The following TMEM63A variants were observed in gnomAD, a reference collection of about 807,000 sequenced individuals.
TMEM63A encodes the protein mechanosensitive cation channel TMEM63A.
Under a neutral mutation model 100.6 loss-of-function variants are expected in TMEM63A, and 76 were observed. The observed-to-expected ratio is 0.76, with a 90% CI of 0.63 to 0.91. The LOEUF (loss-of-function observed/expected upper bound fraction) is 0.91, where lower values mean the gene tolerates loss of function less well. TMEM63A is among the 40% of genes least tolerant of loss of function. TMEM63A has a pLI of 0.00. For synonymous variants in TMEM63A, 401 were observed against 401.1 expected (o/e 1.00, Z 0.00); for missense variants, 876 against 1,008.8 (o/e 0.87, Z 1.78).
Position 225,852,761 on chromosome 1 carries a change from G to T in TMEM63A, c.1806C>A (p.Ala602=). ...ADRRNVKQNQ[A]FQYEFGAMYA... is the part of the protein sequence containing the mutation. ...ACATGGCTCCAAACTCGTACTGGAA[G>T]GCCTGGTTCTGGGAGGAGGAGGTGG... Residue 602 remains alanine (A), a synonymous_variant, in exon 20 of 25, where the codon GCC becomes GCA. Transcript: ENST00000366835. 3 of 1,614,054 alleles carry T rather than the reference G, an allele frequency of 1.9e-6. No individual in the cohort carries two copies. The highest frequency in any genetic ancestry group is 1.3e-5 in the African/African-American group (1 of 75,048).
chr1:225,847,586 T>G, intron 23 of TMEM63A: 1 of 171,754 alleles, frequency 5.8e-6, no homozygotes, highest in Non-Finnish European at 1.2e-5. Context: ...ATGCTCAACA[T>G]ATCTGTGTGA....
At chr1:225,868,967 G>A (rs1018633647) in intron 6 of TMEM63A, among the ~76,000 whole-genome samples, 8 of 152,180 alleles carry the variant, frequency 5.3e-5, no homozygotes, top group African/African-American at 1.9e-4. Context: ...GAGGGAGAAG[G>A]GGCAGGGCAC....
Position 225,867,303 on chromosome 1 carries a change from T to G in TMEM63A, c.515-140A>C, listed in dbSNP as rs1670262960. 4.5e-6 allele frequency: 4 copies of G among 886,468 alleles called. No individual in the cohort carries two copies. In the Admixed American group the frequency reaches 7.0e-5, roughly 15 times the overall value. 54.9% of individuals were successfully genotyped at this position (886,468 alleles called of 1,614,324 possible). A position where few individuals can be genotyped will look rare whatever the true frequency, so the allele number is the denominator to read the frequency against. On this transcript the variant is annotated intron_variant, in intron 7 of 24. Coordinates refer to ENST00000366835, the MANE Select transcript of TMEM63A (RefSeq NM_014698.3). The surrounding 1 kb of genome is among the most constrained non-coding windows in gnomAD (Gnocchi z 4.6). ...AGGAAGACAACGTCTGACTGGTCTT[T>G]CCAGAGCTACACCATCAAGGCCTCT...
chr1:225,848,850 C>G, intron 22 of TMEM63A, 47 bp downstream of exon 22: 2 of 1,449,376 alleles, frequency 1.4e-6, no homozygotes, highest in Non-Finnish European at 1.9e-6. Flanking sequence ...GTCCCACCAT[C>G]TGTTCCTCCC....
chr1:225,843,055 T>C (rs991525431), downstream of TMEM63A, among the ~76,000 whole-genome samples: 1 of 152,072 alleles, frequency 6.6e-6, no homozygotes, highest in African/African-American at 2.4e-5. Context: ...GGAAAGACAG[T>C]AAAATGAGAC....
At chr1:225,845,292 C>G (rs771188836), downstream of TMEM63A, 5 of 1,612,686 alleles carry the variant, frequency 3.1e-6, no homozygotes, top group Non-Finnish European at 3.4e-6. Context: ...TTTGAGGAGC[C>G]GGAGCTGCTC....
intron 18 of TMEM63A, among the ~76,000 whole-genome samples, chr1:225,854,726 C>T (rs954366489): frequency 6.6e-6 from 1 of 152,030 alleles, no homozygotes; most frequent in African/African-American, 2.4e-5. Flanking sequence ...GGATGTTGTC[C>T]GCATAAGTTA....
chr1:225,869,670 T>TCTTTTC (rs1553492502), intron 6 of TMEM63A, among the ~76,000 whole-genome samples: 7 of 136,388 alleles, frequency 5.1e-5, no homozygotes, highest in African/African-American at 1.9e-4. Flanking sequence ...TCTTTTCTTT[T>TCTTTTC]TTTTTTTTTT....
chr1:225,878,883 C>CACACACACA (rs1252743461), intron 2 of TMEM63A, among the ~76,000 whole-genome samples: 3 of 84,402 alleles, frequency 3.6e-5, no homozygotes, highest in African/African-American at 7.7e-5. Flanking sequence ...TACCTACCTA[C>CACACACACA]CTACACACAC....
chr1:225,869,788 G>C (rs752108427), intron 6 of TMEM63A, among the ~76,000 whole-genome samples: 1 of 148,846 alleles, frequency 6.7e-6, no homozygotes, highest in African/African-American at 2.5e-5. Context: ...TCAGCCTCCC[G>C]AGTAGCTGGG....
chr1:225,858,902 T>C (rs918989981), intron 15 of TMEM63A, among the ~76,000 whole-genome samples: 1 of 151,942 alleles, frequency 6.6e-6, no homozygotes, highest in African/African-American at 2.4e-5. Flanking sequence ...ATTTAGATAG[T>C]CTATTAAAAT....
chr1:225,873,281 A>G (rs774640858), intron 4 of TMEM63A, among the ~76,000 whole-genome samples: 8 of 152,184 alleles, frequency 5.3e-5, no homozygotes, highest in Non-Finnish European at 7.3e-5. Flanking sequence ...TAAAGGCATC[A>G]GATGTCCCAA....
In TMEM63A at chr1:225,848,493, G is replaced by C; in HGVS notation, c.2249C>G (p.Thr750Arg). The C allele has an allele frequency of 6.2e-7, 1 of 1,614,146 alleles. No homozygotes were observed. The highest frequency in any genetic ancestry group is 8.5e-7 in the Non-Finnish European group (1 of 1,180,034). The change falls in exon 23 of 25, where the codon ACA becomes AGA. Residue 750 changes from threonine (T) to arginine (R), a missense_variant and splice_region_variant. Thr to Arg is a moderately conservative substitution (Grantham distance 71). Transcript: ENST00000366835. ...CAGAGGCTGAGGGGCACAGCTTACT[G>C]TGAACGGTGGGGGCATGTGGGCCTC... ...EAEAHMPPPF[T>R]PYVPRILNGL...
chr1:225,844,524 C>A (rs1347464855), downstream of TMEM63A: 2 of 1,614,166 alleles, frequency 1.2e-6, no homozygotes, highest in South Asian at 2.2e-5. Context: ...GACCTGCTGA[C>A]CAACGTCATG....
In TMEM63A at chr1:225,856,961, C is replaced by A; in HGVS notation, c.1434G>T (p.Leu478=). ...PTLLLWSFSA[L]LPSIVYYSTL... ...TAGAGTAGTAGACAATGGAGGGGAGCAGGGCCGAGAAGGACCAGAGCAGGA... is the reference window on the plus strand; with the variant it reads ...TAGAGTAGTAGACAATGGAGGGGAGAAGGGCCGAGAAGGACCAGAGCAGGA... The change falls in exon 16 of 25, where the codon CTG becomes CTT. Residue 478 remains leucine (L), a synonymous_variant. Transcript: ENST00000366835. 6.2e-7 allele frequency: 1 copy of A among 1,601,812 alleles called. No individual in the cohort carries two copies.
In TMEM63A at chr1:225,862,068, G is replaced by A. The variant is rs1437096083; in HGVS notation, c.1085+150C>T. On this transcript the variant is annotated intron_variant, in intron 13 of 24. Transcript: ENST00000366835. This position sits in a 1 kb window ranked among gnomAD's most constrained non-coding sequence, Gnocchi z 5.1. ...TGGGCTGGGCTGGCTGAAAGTGAGT[G>A]TGGGTAGCTGAGGGAGGAGAAGGAA... The A allele has an allele frequency of 9.8e-6, 12 of 1,223,210 alleles. No individual in the cohort carries two copies. The highest frequency in any genetic ancestry group is 7.6e-5 in the African/African-American group (5 of 65,892). The allele number at this position is 1,223,210 out of a possible 1,614,324, so 75.8% of individuals were successfully genotyped here.
rs1432103864 is a variant in TMEM63A at position 225,867,235 on chromosome 1, T to C, written c.515-72A>G. On this transcript the variant is annotated intron_variant, in intron 7 of 24. Transcript: ENST00000366835. The surrounding 1 kb of genome is among the most constrained non-coding windows in gnomAD (Gnocchi z 4.6). Reference sequence around the variant, plus strand: ...AGGAGGGGGCGTAACCAATCAGCCTTGGTTTGTGGAGCTCTGGGGAGGAGG... The same window carrying C: ...AGGAGGGGGCGTAACCAATCAGCCTCGGTTTGTGGAGCTCTGGGGAGGAGG... 1.3e-6 allele frequency: 2 copies of C among 1,506,800 alleles called. No homozygotes were observed. Among genetic ancestry groups the C allele is most frequent in the African/African-American group, 2.8e-5 (2 of 72,588 alleles). The allele number at this position is 1,506,800 out of a possible 1,614,324, so 93.3% of individuals were successfully genotyped here.
chr1:225,845,191 G>T (rs1559028484), downstream of TMEM63A: 2 of 1,614,114 alleles, frequency 1.2e-6, no homozygotes, highest in Non-Finnish European at 1.7e-6. Context: ...TCCCTTTTGA[G>T]CTATTGCACA....
chr1:225,871,044 G>A, intron 6 of TMEM63A, 32 bp downstream of exon 6: 1 of 1,612,294 alleles, frequency 6.2e-7, no homozygotes, highest in East Asian at 2.2e-5. Context: ...CAGCCCAAAG[G>A]CCCCCCAGCA....
Sources: gnomAD v4.1 joint callset for allele counts (sites outside exome capture counted in the v4.1 genomes callset) on GRCh38, gnomAD v4.1.1 for gene constraint, Gnocchi (gnomAD v3.1) non-coding constraint, MANE v1.5 for transcripts, NCBI Gene and HGNC (gene_info 2026-07-23, HGNC 2026-07-21) for gene names.